PRUNE2: variants seen among roughly 807,000 people sequenced by gnomAD.
PRUNE2 encodes the protein protein prune homolog 2.
In PRUNE2, 164 loss-of-function variants were observed where a neutral mutation model predicts 252.0. The observed-to-expected ratio is 0.65, with a 90% CI of 0.57 to 0.74. The LOEUF (loss-of-function observed/expected upper bound fraction) is 0.74, where lower values mean the gene tolerates loss of function less well. Among genes scored for constraint, PRUNE2 ranks in the 30% least tolerant of loss-of-function variants. PRUNE2 has a pLI of 0.00. For missense variants in PRUNE2, 3,495 were observed against 3,711.0 expected (o/e 0.94, Z 1.51); for synonymous variants, 1,292 against 1,350.2 (o/e 0.96, Z 0.94).
chr9:76,688,241 C>T (rs1006357422), intron 9 of PRUNE2, among the ~76,000 whole-genome samples: 9 of 152,192 alleles, frequency 5.9e-5, no homozygotes, highest in Non-Finnish European at 1.0e-4. Context: ...CAGAGGTCTG[C>T]AGACCTGCCC....
rs375625066 is a variant in PRUNE2, at chr9:76,705,230, C to A, written c.7044G>T (p.Ser2348=). The change falls in exon 8 of 19, where the codon TCG becomes TCT. Residue 2348 remains serine (S), a synonymous_variant. Coordinates refer to ENST00000376718, the MANE Select transcript of PRUNE2 (RefSeq NM_015225.3). ...TTACATCATATTCAAAATCACCCCACGAGGCTTCAGATGAGCAGATATCTT... is the reference window on the plus strand; with the variant it reads ...TTACATCATATTCAAAATCACCCCAAGAGGCTTCAGATGAGCAGATATCTT... The part of the protein sequence containing the change: ...GKQDICSSEA[S]WGDFEYDVMG... 3 of 1,613,904 alleles carry A rather than the reference C, an allele frequency of 1.9e-6. No individual in the cohort carries two copies. The highest frequency in any genetic ancestry group is 2.5e-6 in the Non-Finnish European group (3 of 1,179,890).
At chr9:76,727,710 C>CT (rs373565657) in intron 6 of PRUNE2, among the ~76,000 whole-genome samples, 1,172 of 42,870 alleles carry the variant, frequency 0.027, 83 homozygotes, top group African/African-American at 0.075. Flanking sequence ...GTAAACAGGG[C>CT]TTTTTTTTTT....
At chr9:76,823,790 A>C in intron 5 of PRUNE2, 64 bp from the exon 6 acceptor site, 4 of 971,064 alleles carry the variant, frequency 4.1e-6, no homozygotes, top group Non-Finnish European at 6.4e-6. Flanking sequence ...TGTAATATCA[A>C]GCGATGTTTT....
intron 1 of PRUNE2, among the ~76,000 whole-genome samples, chr9:76,897,909 T>C: frequency 6.6e-6 from 1 of 152,198 alleles, no homozygotes; most frequent in African/African-American, 2.4e-5. Context: ...GAAATGTAAA[T>C]AGGGCTTCCT....
chr9:76,783,761 T>C (rs1403187960), intron 6 of PRUNE2: 1 of 152,144 alleles, frequency 6.6e-6, no homozygotes, highest in Admixed American at 6.5e-5. Context: ...TCTGCTGAAA[T>C]GGAGATAATT....
At chr9:76,722,039 T>C (rs1235139763) in intron 6 of PRUNE2, among the ~76,000 whole-genome samples, 1 of 152,046 alleles carries the variant, frequency 6.6e-6, no homozygotes, top group Non-Finnish European at 1.5e-5. Context: ...TTTTTCCAGA[T>C]GTCATTTATT....
At position 76,619,399 on chromosome 9, in the gene PRUNE2, GA is replaced by G; in HGVS notation, c.9189-13del. ...AAAGGCAGCTAGTTCTGAGTGCAAG[GA>G]AAAAATAGGAAGCAGTCAACATTTC... is the stretch of plus-strand genomic sequence containing the variant. On this transcript the variant is annotated splice_polypyrimidine_tract_variant and intron_variant, in intron 17 of 18. Coordinates refer to ENST00000376718, the MANE Select transcript of PRUNE2 (RefSeq NM_015225.3). 3 of 1,592,074 alleles carry G rather than the reference GA, an allele frequency of 1.9e-6. No homozygotes were observed. The highest frequency in any genetic ancestry group is 1.1e-5 in the South Asian group (1 of 89,002).
rs1353331643 is a variant in PRUNE2 at position 76,613,477 on chromosome 9, C to A, written c.*1093G>T. On this transcript the variant is annotated 3_prime_UTR_variant, in exon 19 of 19. Coordinates refer to ENST00000376718, the MANE Select transcript of PRUNE2 (RefSeq NM_015225.3). ...TAATTTTCATGTGTCATGAAATATTCAAAAAAAATTTTTCCAACCCAAAAT... is the reference window on the plus strand; with the variant it reads ...TAATTTTCATGTGTCATGAAATATTAAAAAAAAATTTTTCCAACCCAAAAT... 6.6e-6 allele frequency: 1 copy of A among 151,920 alleles called. No homozygotes were observed. The highest frequency in any genetic ancestry group is 1.5e-5 in the Non-Finnish European group (1 of 67,964). The allele number at this position is 151,920 out of a possible 1,614,324, so 9.4% of individuals were successfully genotyped here.
intron 12 of PRUNE2, among the ~76,000 whole-genome samples, chr9:76,641,746 C>A (rs1051357975): frequency 6.9e-6 from 1 of 144,280 alleles, no homozygotes; most frequent in Non-Finnish European, 1.5e-5. Context: ...AACCCCCCCC[C>A]AGGAGTCTCC....
chr9:76,861,922 C>T (rs2060573777), intron 1 of PRUNE2, among the ~76,000 whole-genome samples: 1 of 152,006 alleles, frequency 6.6e-6, no homozygotes, highest in Admixed American at 6.6e-5. Flanking sequence ...CTTTAACTTC[C>T]CTGAAGGGCT....
Position 76,768,579 on chromosome 9 carries a change from ATGTATGTGTG to A in PRUNE2, c.757-54868_757-54859del, listed in dbSNP as rs1395596719. 5.4e-3 allele frequency among the ~76,000 whole-genome samples: 539 copies of A among 100,606 alleles called. 4 individuals carry two copies. Among genetic ancestry groups the A allele is most frequent in the East Asian group, 0.038 (149 of 3,968 alleles). 66.0% of individuals were successfully genotyped at this position (100,606 alleles called of 152,430 possible). On this transcript the variant is annotated intron_variant, in intron 6 of 18. Coordinates refer to ENST00000376718, the MANE Select transcript of PRUNE2 (RefSeq NM_015225.3). The stretch of plus-strand genomic sequence containing the variant: ...TCTTTGGGTTGATATATATATGTAT[ATGTATGTGTG>A]TGTGTGTGTGTGTGTGTGTGTGTGT...
chr9:76,849,427 A>G (rs2059835518), intron 3 of PRUNE2, among the ~76,000 whole-genome samples: 1 of 151,928 alleles, frequency 6.6e-6, no homozygotes, highest in East Asian at 1.9e-4. Flanking sequence ...CCTAAGAACC[A>G]TTCAGTTTTA....
chr9:76,641,157 G>T (rs999847229), intron 12 of PRUNE2, among the ~76,000 whole-genome samples: 3 of 152,088 alleles, frequency 2.0e-5, no homozygotes, highest in Non-Finnish European at 4.4e-5. Context: ...CTTCATGATC[G>T]CTGTCTAAGT....
chr9:76,789,796 C>A (rs758883576), intron 6 of PRUNE2, among the ~76,000 whole-genome samples: 9 of 152,106 alleles, frequency 5.9e-5, no homozygotes, highest in Non-Finnish European at 1.3e-4. Context: ...GGGTGATTGA[C>A]AACCAGGAAT....
At chr9:76,654,066 G>A (rs1260408690) in intron 10 of PRUNE2, among the ~76,000 whole-genome samples, 1 of 152,140 alleles carries the variant, frequency 6.6e-6, no homozygotes, top group Non-Finnish European at 1.5e-5. Context: ...TGTCAGAATT[G>A]AATTATAGGA....
At chr9:76,627,126 C>T (rs1054403658) in intron 16 of PRUNE2, among the ~76,000 whole-genome samples, 4 of 151,614 alleles carry the variant, frequency 2.6e-5, no homozygotes, top group Non-Finnish European at 2.9e-5. Context: ...TTTGAGACAG[C>T]GTCTCACTCT....
At chr9:76,632,768 C>T (rs1017870286) in intron 15 of PRUNE2, among the ~76,000 whole-genome samples, 2 of 152,084 alleles carry the variant, frequency 1.3e-5, no homozygotes, top group East Asian at 3.9e-4. Flanking sequence ...CCTATGTTGC[C>T]CAGGCTGATC....
At chr9:76,783,329 G>T (rs1299224579) in intron 6 of PRUNE2, among the ~76,000 whole-genome samples, 1 of 152,010 alleles carries the variant, frequency 6.6e-6, no homozygotes, top group Non-Finnish European at 1.5e-5. Context: ...TAGAGATGGG[G>T]TTTCACCATA....
intron 4 of PRUNE2, among the ~76,000 whole-genome samples, chr9:76,837,411 C>T (rs879633749): frequency 1.0e-4 from 15 of 150,088 alleles, no homozygotes; most frequent in African/African-American, 1.2e-4. Context: ...CATTGCACTC[C>T]GGCCTGGCGA....
Sources: allele counts gnomAD v4.1 joint callset (sites outside exome capture counted in the v4.1 genomes callset), GRCh38; gene constraint gnomAD v4.1.1; transcripts MANE v1.5; gene names NCBI Gene and HGNC (gene_info 2026-07-23, HGNC 2026-07-21).